UGT1A10: variants seen among roughly 807,000 people sequenced by gnomAD.
UGT1A10 encodes UDP-glucuronosyltransferase 1A10.
In UGT1A10, 49 loss-of-function variants were observed where a neutral mutation model predicts 45.8. That is an observed-to-expected ratio of 1.07 (90% CI 0.85 to 1.36). The LOEUF (loss-of-function observed/expected upper bound fraction) is 1.36, where lower values mean the gene tolerates loss of function less well. UGT1A10 is among the 40% of genes most tolerant of loss of function. The pLI is 0.00. For synonymous variants in UGT1A10, 284 were observed against 249.7 expected, an observed-to-expected ratio of 1.14 and a Z score of -1.29; for missense variants, 745 against 668.6, an observed-to-expected ratio of 1.11 and a Z score of -1.26.
intron 1 of UGT1A10, chr2:233,672,162 T>G: frequency 6.2e-7 from 1 of 1,614,188 alleles, no homozygotes; most frequent in Non-Finnish European, 8.5e-7. Flanking sequence ...CAGTGAAGAC[T>G]TATTCAACTT....
chr2:233,655,743 G>A (rs1421003730), intron 1 of UGT1A10, among the ~76,000 whole-genome samples: 2 of 152,186 alleles, frequency 1.3e-5, no homozygotes, highest in Non-Finnish European at 2.9e-5. Flanking sequence ...TCCTGTCCCT[G>A]GAGGTTCACA....
At chr2:233,700,177 G>A (rs567551124) in intron 1 of UGT1A10, among the ~76,000 whole-genome samples, 1 of 152,296 alleles carries the variant, frequency 6.6e-6, no homozygotes, top group Admixed American at 6.5e-5. Context: ...GCTCATTCAG[G>A]CTGAAATCTC....
intron 1 of UGT1A10, among the ~76,000 whole-genome samples, chr2:233,757,066 C>A (rs1244177013): frequency 2.6e-5 from 4 of 151,164 alleles, no homozygotes; most frequent in Non-Finnish European, 4.4e-5. Context: ...AGCAAGGGAT[C>A]CAGAATGGCT....
rs548170918 is a variant in UGT1A10, at chr2:233,735,411, T to G, written c.856-31623T>G. ...TTTTGAGCCTATGTGTGTCTCTGCA[T>G]GTGAGATAGGCCTCCTGAATACAGC... On this transcript the variant is annotated intron_variant, in intron 1 of 4. Coordinates refer to ENST00000344644, the MANE Select transcript of UGT1A10 (RefSeq NM_019075.4). 2.6e-5 allele frequency among the ~76,000 whole-genome samples: 4 copies of G among 152,294 alleles called. 1 individual carries two copies. In the Middle Eastern group the frequency reaches 0.014, roughly 518 times the overall value.
At position 233,658,974 on chromosome 2, in the gene UGT1A10, C is replaced by CA. The variant is rs576441547; in HGVS notation, c.855+21605dup. On this transcript the variant is annotated intron_variant, in intron 1 of 4. Transcript: ENST00000344644. Reference sequence around the variant, plus strand: ...TTTAGAGTCAGTTTGCCAATTTGCACAAAAAAAAGCCTGTTGGGATTTTGG... The same window carrying CA: ...TTTAGAGTCAGTTTGCCAATTTGCACAAAAAAAAAGCCTGTTGGGATTTTGG... Among the ~76,000 whole-genome samples, 42 of 151,698 alleles carry CA rather than the reference C, an allele frequency of 2.8e-4. 1 individual carries two copies. In the South Asian group the frequency reaches 6.7e-3, roughly 24 times the overall value.
At chr2:233,705,768 G>C (rs753829287) in intron 1 of UGT1A10, among the ~76,000 whole-genome samples, 1 of 152,178 alleles carries the variant, frequency 6.6e-6, no homozygotes, top group Non-Finnish European at 1.5e-5. Flanking sequence ...TGCATACTTT[G>C]AGTGTCTTAG....
chr2:233,711,904 C>T (rs2076203848), intron 1 of UGT1A10, among the ~76,000 whole-genome samples: 1 of 152,172 alleles, frequency 6.6e-6, no homozygotes, highest in African/African-American at 2.4e-5. Context: ...GGCGTGAGAC[C>T]ATTGTGAGTG....
chr2:233,756,970 G>T (rs550793027), intron 1 of UGT1A10, among the ~76,000 whole-genome samples: 8 of 152,064 alleles, frequency 5.3e-5, no homozygotes, highest in African/African-American at 1.7e-4. Context: ...TGGTAAGCAC[G>T]CAATGAACAG....
intron 1 of UGT1A10, among the ~76,000 whole-genome samples, chr2:233,741,293 A>G (rs1691617867): frequency 6.6e-6 from 1 of 151,772 alleles, no homozygotes; most frequent in Non-Finnish European, 1.5e-5. Context: ...TATGTACCCA[A>G]TTGTGTAGAT....
intron 1 of UGT1A10, among the ~76,000 whole-genome samples, chr2:233,732,885 A>G (rs1356305155): frequency 6.6e-6 from 1 of 150,402 alleles, no homozygotes; most frequent in Non-Finnish European, 1.5e-5. Flanking sequence ...CATTGAATCT[A>G]TAAATTACCT....
chr2:233,743,841 G>A (rs768671945), intron 1 of UGT1A10: 2 of 1,367,168 alleles, frequency 1.5e-6, no homozygotes, highest in Admixed American at 3.8e-5. Flanking sequence ...TTGAGCGCCA[G>A]CTTGCGGTAC....
intron 1 of UGT1A10, chr2:233,693,306 AGCGATCAT>A (rs756247259): frequency 1.2e-6 from 2 of 1,614,218 alleles, no homozygotes; most frequent in Admixed American, 3.3e-5. Flanking sequence ...CACTTTGCTG[AGCGATCAT>A]TCCTAACTGC....
Position 233,769,464 on chromosome 2 carries a change from C to T in UGT1A10, c.1295+1025C>T, listed in dbSNP as rs557481865. The T allele has an allele frequency of 3.3e-5, 50 of 1,503,294 alleles. No individual in the cohort carries two copies. The highest frequency in any genetic ancestry group is 4.1e-5 in the African/African-American group (3 of 72,468). 93.1% of individuals were successfully genotyped at this position (1,503,294 alleles called of 1,614,324 possible). A position where few individuals can be genotyped will look rare whatever the true frequency, so the allele number is the denominator to read the frequency against. ...GGGTGCACACGTGTGCATTCATATG[C>T]GTGTGTGTGTGTGTGCGTGTGTTTA... On this transcript the variant is annotated intron_variant, in intron 4 of 4. Coordinates refer to ENST00000344644, the MANE Select transcript of UGT1A10 (RefSeq NM_019075.4). This position sits in a 1 kb window ranked among gnomAD's most constrained non-coding sequence, Gnocchi z 4.4.
chr2:233,715,994 A>C (rs976183332), intron 1 of UGT1A10, among the ~76,000 whole-genome samples: 1 of 152,088 alleles, frequency 6.6e-6, no homozygotes, highest in African/African-American at 2.4e-5. Context: ...ACACAACAAA[A>C]CCCAAAATGA....
At position 233,674,775 on chromosome 2, in the gene UGT1A10, C is replaced by T. The variant is rs145036130; in HGVS notation, c.855+37398C>T. ...TTTATGACTATACGTGTAAAGCCAG[C>T]GGAGTTCTCACAGAGGAATTCAGAA... On this transcript the variant is annotated intron_variant, in intron 1 of 4. Transcript: ENST00000344644. Among the ~76,000 whole-genome samples the T allele has an allele frequency of 7.2e-5, 11 of 152,244 alleles. No individual in the cohort carries two copies. In the East Asian group the frequency reaches 9.6e-4, roughly 13 times the overall value.
intron 1 of UGT1A10, chr2:233,740,604 A>T (rs537335169): frequency 3.9e-5 from 6 of 151,968 alleles, no homozygotes; most frequent in Non-Finnish European, 5.9e-5. Flanking sequence ...ACAGGTCTCC[A>T]GGTCTCTTGG....
chr2:233,678,743 A>G (rs1467828887), intron 1 of UGT1A10, among the ~76,000 whole-genome samples: 1 of 148,264 alleles, frequency 6.7e-6, no homozygotes, highest in Non-Finnish European at 1.5e-5. Flanking sequence ...CTGATTGGAA[A>G]GCACTCATCT....
rs538578052 is a variant in UGT1A10, at chr2:233,763,857, A to AT, written c.856-3177_856-3176insT. Among the ~76,000 whole-genome samples, 77 of 152,298 alleles carry AT rather than the reference A, an allele frequency of 5.1e-4. 2 individuals carry two copies. In the South Asian group the frequency reaches 0.016, roughly 31 times the overall value. ...AGGGTAAGATAGCAGTGGTTCACAGACAATCGCAATGCTGGGTCTGAGAAA... is the reference window on the plus strand; with the variant it reads ...AGGGTAAGATAGCAGTGGTTCACAGATCAATCGCAATGCTGGGTCTGAGAAA... On this transcript the variant is annotated intron_variant, in intron 1 of 4. Coordinates refer to ENST00000344644, the MANE Select transcript of UGT1A10 (RefSeq NM_019075.4).
At chr2:233,648,331 G>A in intron 1 of UGT1A10, 2 of 493,076 alleles carry the variant, frequency 4.1e-6, no homozygotes, top group South Asian at 4.0e-5. Context: ...CCTCTCGGTG[G>A]TCTTCGCCAG....
Sources: allele counts gnomAD v4.1 joint callset (sites outside exome capture counted in the v4.1 genomes callset), GRCh38; gene constraint gnomAD v4.1.1; non-coding constraint Gnocchi (gnomAD v3.1); transcripts MANE v1.5; gene names NCBI Gene and HGNC (gene_info 2026-07-23, HGNC 2026-07-21).